The following B3GALT1 variants were observed in gnomAD, a reference collection of about 807,000 sequenced individuals.
The protein encoded by B3GALT1 is UDP-Gal:betaGlcNAc beta 1,3-galactosyltransferase, polypeptide 1.
A neutral mutation model predicts 23.2 loss-of-function variants in B3GALT1; 10 were observed. That is an observed-to-expected ratio of 0.43 (90% CI 0.27 to 0.73). The LOEUF is 0.73. B3GALT1 is among the 30% of genes least tolerant of loss of function. The probability of loss-of-function intolerance (pLI) is 0.21; values close to 1 mark genes in which losing one functional copy is unlikely to be tolerated. For missense variants in B3GALT1, 299 were observed against 405.4 expected (o/e 0.74, Z 2.25); for synonymous variants, 156 against 141.5 (o/e 1.10, Z -0.73).
At chr2:167,401,152 C>A (rs1698183141) in intron 1 of B3GALT1, among the ~76,000 whole-genome samples, 1 of 152,036 alleles carries the variant, frequency 6.6e-6, no homozygotes, top group South Asian at 2.1e-4. Flanking sequence ...AACCAATAGT[C>A]ACTTTAAATT....
chr2:167,575,875 G>C (rs968022059), intron 2 of B3GALT1, among the ~76,000 whole-genome samples: 3 of 151,610 alleles, frequency 2.0e-5, no homozygotes, highest in African/African-American at 7.3e-5. Flanking sequence ...TCAAAACAGG[G>C]AGTTCACGTT....
chr2:167,861,988 C>T (rs1690110230), intron 4 of B3GALT1, among the ~76,000 whole-genome samples: 2 of 152,176 alleles, frequency 1.3e-5, no homozygotes, highest in Non-Finnish European at 2.9e-5. Context: ...AAGCAAGCTG[C>T]TTGGTGAGGC....
At chr2:167,470,789 G>A (rs1224940533) in intron 1 of B3GALT1, among the ~76,000 whole-genome samples, 1 of 152,128 alleles carries the variant, frequency 6.6e-6, no homozygotes. Context: ...GTTTCTGAGA[G>A]CTGATTTCTA....
chr2:167,571,192 C>A (rs966143394), intron 2 of B3GALT1, among the ~76,000 whole-genome samples: 1 of 151,904 alleles, frequency 6.6e-6, no homozygotes. Context: ...CAGAAAATTT[C>A]TTTGAATAAT....
At chr2:167,457,302 A>T (rs779488219) in intron 1 of B3GALT1, among the ~76,000 whole-genome samples, 8 of 151,884 alleles carry the variant, frequency 5.3e-5, no homozygotes, top group Non-Finnish European at 1.0e-4. Flanking sequence ...CCTCCCACGT[A>T]GCTGGGACTA....
intron 1 of B3GALT1, among the ~76,000 whole-genome samples, chr2:167,485,121 A>G (rs1373602966): frequency 1.3e-5 from 2 of 152,044 alleles, no homozygotes; most frequent in Non-Finnish European, 2.9e-5. Context: ...TTACTTTGGA[A>G]TCCTCTTGGC....
In B3GALT1 at chr2:167,382,018, G is replaced by A. The variant is rs370316065; in HGVS notation, c.-511+88684G>A. Among the ~76,000 whole-genome samples the A allele has an allele frequency of 1.6e-4, 24 of 152,270 alleles. No individual in the cohort carries two copies. In the East Asian group the frequency reaches 2.7e-3, roughly 17 times the overall value. ...GTGTTTTATTGGAAGTTGATGGTGC[G>A]AACCAAAGGTGGCTGATTGTACAAT... On this transcript the variant is annotated intron_variant, in intron 1 of 4. Coordinates refer to ENST00000392690, the MANE Select transcript of B3GALT1 (RefSeq NM_020981.4).
In B3GALT1 at chr2:167,466,617, C is replaced by CAA. The variant is rs1175269957; in HGVS notation, c.-510-23542_-510-23541dup. 7.9e-3 allele frequency among the ~76,000 whole-genome samples: 416 copies of CAA among 52,332 alleles called. 2 individuals are homozygous for CAA. Among genetic ancestry groups the CAA allele is most frequent in the Non-Finnish European group, 0.012 (340 of 28,046 alleles). The allele number at this position is 52,332 out of a possible 152,430, so 34.3% of individuals were successfully genotyped here. On this transcript the variant is annotated intron_variant, in intron 1 of 4. Coordinates refer to ENST00000392690, the MANE Select transcript of B3GALT1 (RefSeq NM_020981.4). Reference sequence around the variant, plus strand: ...CCTGGGTGACAGAGCAAGACTCTGTCAAAAAAAAAAAAAAAAAAAGGATGG... The same window carrying CAA: ...CCTGGGTGACAGAGCAAGACTCTGTCAAAAAAAAAAAAAAAAAAAAAGGATGG...
chr2:167,493,157 A>G (rs1699734800), intron 2 of B3GALT1, among the ~76,000 whole-genome samples: 1 of 152,196 alleles, frequency 6.6e-6, no homozygotes, highest in African/African-American at 2.4e-5. Context: ...AAATTTGGCC[A>G]TGCAGATATA....
intron 3 of B3GALT1, among the ~76,000 whole-genome samples, chr2:167,769,577 C>CA (rs1219654102): frequency 6.6e-6 from 1 of 151,836 alleles, no homozygotes; most frequent in African/African-American, 2.4e-5. Flanking sequence ...TCAAATCCTT[C>CA]ACCCATCATT....
At chr2:167,713,491 G>GT (rs1215044669) in intron 3 of B3GALT1, among the ~76,000 whole-genome samples, 3 of 151,796 alleles carry the variant, frequency 2.0e-5, no homozygotes, top group African/African-American at 2.4e-5. Flanking sequence ...TTTTGTTTTT[G>GT]TTTTTTTCAT....
chr2:167,398,477 G>T (rs1698134521), intron 1 of B3GALT1, among the ~76,000 whole-genome samples: 1 of 151,708 alleles, frequency 6.6e-6, no homozygotes, highest in Non-Finnish European at 1.5e-5. Context: ...TAGCTAATAG[G>T]TCATCTTTAT....
At chr2:167,395,811 A>G (rs1334230048) in intron 1 of B3GALT1, among the ~76,000 whole-genome samples, 3 of 152,132 alleles carry the variant, frequency 2.0e-5, no homozygotes, top group African/African-American at 7.2e-5. Flanking sequence ...ACAAAAATAA[A>G]ACTCTTTGTA....
intron 3 of B3GALT1, among the ~76,000 whole-genome samples, chr2:167,679,029 A>T (rs547903736): frequency 1.4e-4 from 21 of 151,954 alleles, no homozygotes; most frequent in African/African-American, 5.1e-4. Flanking sequence ...CAATCTTTTT[A>T]TACCTATTCT....
chr2:167,347,904 CAA>C (rs1469986081), intron 1 of B3GALT1, among the ~76,000 whole-genome samples: 1 of 152,132 alleles, frequency 6.6e-6, no homozygotes, highest in Admixed American at 6.5e-5. Context: ...AAATCAGCAT[CAA>C]GTTTACCTTT....
chr2:167,356,853 A>AG (rs1311483162), intron 1 of B3GALT1, among the ~76,000 whole-genome samples: 4 of 152,010 alleles, frequency 2.6e-5, no homozygotes, highest in Non-Finnish European at 4.4e-5. Flanking sequence ...AATTGAGTCA[A>AG]GCGTCATTAG....
At chr2:167,630,877 A>G (rs979685064) in intron 2 of B3GALT1, among the ~76,000 whole-genome samples, 39 of 151,776 alleles carry the variant, frequency 2.6e-4, no homozygotes, top group African/African-American at 9.4e-4. Context: ...GAATAGTCCC[A>G]TTGTGTACAA....
At chr2:167,733,771 A>G (rs910668452) in intron 3 of B3GALT1, among the ~76,000 whole-genome samples, 11 of 152,120 alleles carry the variant, frequency 7.2e-5, no homozygotes, top group Non-Finnish European at 7.4e-5. Context: ...CTTCAAAGCC[A>G]TTTGCCTTTG....
At chr2:167,525,504 T>C (rs1348891153) in intron 2 of B3GALT1, among the ~76,000 whole-genome samples, 1 of 152,156 alleles carries the variant, frequency 6.6e-6, no homozygotes, top group African/African-American at 2.4e-5. Flanking sequence ...TATTCAGTCA[T>C]TTATTTATAT....
Sources: allele counts gnomAD v4.1 joint callset (sites outside exome capture counted in the v4.1 genomes callset), GRCh38; gene constraint gnomAD v4.1.1; transcripts MANE v1.5; gene names NCBI Gene and HGNC (gene_info 2026-07-23, HGNC 2026-07-21).